SCARA3: variants seen among roughly 807,000 people sequenced by gnomAD.
SCARA3 encodes cellular stress response gene protein.
Under a neutral mutation model 47.0 loss-of-function variants are expected in SCARA3, and 39 were observed. The ratio of observed to expected loss-of-function variants is 0.83; its 90% CI spans 0.64 to 1.08. SCARA3 has a LOEUF of 1.08. Ranked by LOEUF, SCARA3 falls within the 50% of genes least tolerant of loss-of-function variation. The probability of loss-of-function intolerance (pLI) is 0.00; values close to 1 mark genes in which losing one functional copy is unlikely to be tolerated. For synonymous variants in SCARA3, 356 were observed against 334.1 expected, an observed-to-expected ratio of 1.07 and a Z score of -0.71; for missense variants, 724 against 792.3, an observed-to-expected ratio of 0.91 and a Z score of 1.04.
chr8:27,646,189 T>C (rs1435222720), intron 1 of SCARA3, among the ~76,000 whole-genome samples: 1 of 152,004 alleles, frequency 6.6e-6, no homozygotes, highest in East Asian at 1.9e-4. Context: ...GAGATGTCAG[T>C]GGAGGGAAGA....
Position 27,672,186 on chromosome 8 carries a change from T to A in SCARA3, c.*835T>A, listed in dbSNP as rs540255355. On this transcript the variant is annotated 3_prime_UTR_variant, in exon 6 of 6. Coordinates refer to ENST00000301904, the MANE Select transcript of SCARA3 (RefSeq NM_016240.3). ...CCACGAGGCTGACATTCTCTGGCCT[T>A]GCACACAGTGCCCCCTGAGAAGTTC... 1.1e-5 allele frequency: 11 copies of A among 985,464 alleles called. No homozygotes were observed. In the Admixed American group the frequency reaches 6.1e-4, roughly 55 times the overall value. 61.0% of individuals were successfully genotyped at this position (985,464 alleles called of 1,614,324 possible).
chr8:27,684,892 A>G, the SCARA3 span, among the ~76,000 whole-genome samples: 6 of 148,216 alleles, frequency 4.0e-5, no homozygotes, highest in South Asian at 1.3e-3. Flanking sequence ...ACATAGTGAG[A>G]CACTTCTCTA....
At chr8:27,644,186 A>G (rs1801443721) in intron 1 of SCARA3, among the ~76,000 whole-genome samples, 2 of 152,202 alleles carry the variant, frequency 1.3e-5, no homozygotes, top group African/African-American at 4.8e-5. Context: ...TCTAGTGGTC[A>G]CCACTATTTT....
rs2128924407 is a variant in SCARA3 at position 27,672,363 on chromosome 8, A to G, written c.*1012A>G. On this transcript the variant is annotated 3_prime_UTR_variant, in exon 6 of 6. Coordinates refer to ENST00000301904, the MANE Select transcript of SCARA3 (RefSeq NM_016240.3). ...CATTGGGCCTGAGTGGAGATGGGAG[A>G]CAGAGGCAGGCCAGAAGGTTCTCTC... 1 of 985,426 alleles carries G rather than the reference A, an allele frequency of 1.0e-6. No homozygotes were observed. The highest frequency in any genetic ancestry group is 1.7e-5 in the African/African-American group (1 of 57,332). 61.0% of individuals were successfully genotyped at this position (985,426 alleles called of 1,614,324 possible).
At chr8:27,659,848 TAAAAAAAAAA>T (rs1164812144) in intron 5 of SCARA3, among the ~76,000 whole-genome samples, 6 of 40,356 alleles carry the variant, frequency 1.5e-4, no homozygotes, top group African/African-American at 7.9e-4. Flanking sequence ...AGTCCTTATC[TAAAAAAAAAA>T]AAAAAAAAAA....
chr8:27,715,454 G>A, the SCARA3 span, among the ~76,000 whole-genome samples: 1 of 152,010 alleles, frequency 6.6e-6, no homozygotes, highest in African/African-American at 2.4e-5. This position sits in a 1 kb window ranked among gnomAD's most constrained non-coding sequence, Gnocchi z 4.2. Context: ...TGCTCCACAT[G>A]GATACCCTCC....
At chr8:27,690,938 CA>C in the SCARA3 span, among the ~76,000 whole-genome samples, 1 of 152,212 alleles carries the variant, frequency 6.6e-6, no homozygotes, top group South Asian at 2.1e-4. Flanking sequence ...CCTCCTTAGA[CA>C]CCCAATGTGC....
At chr8:27,660,690 A>G (rs2128921499) in intron 5 of SCARA3, among the ~76,000 whole-genome samples, 1 of 132,326 alleles carries the variant, frequency 7.6e-6, no homozygotes, top group South Asian at 2.8e-4. Flanking sequence ...GTAGAGTGAT[A>G]GATGATAGAT....
the SCARA3 span, among the ~76,000 whole-genome samples, chr8:27,722,118 A>C: frequency 6.6e-6 from 1 of 152,156 alleles, no homozygotes; most frequent in Non-Finnish European, 1.5e-5. Flanking sequence ...TATGAATGCT[A>C]AATCTAGATG....
chr8:27,703,793 G>A, the SCARA3 span: 4 of 140,458 alleles, frequency 2.8e-5, no homozygotes, highest in Admixed American at 7.2e-5. Flanking sequence ...GTAACTTAAA[G>A]TTTGTGGTTT....
downstream of SCARA3, among the ~76,000 whole-genome samples, chr8:27,680,174 AAAAG>A (rs1355840291): frequency 6.6e-6 from 1 of 152,076 alleles, no homozygotes; most frequent in African/African-American, 2.4e-5. Context: ...ATAAGATAGA[AAAAG>A]AAAAGAAATT....
chr8:27,683,514 C>G, the SCARA3 span, among the ~76,000 whole-genome samples: 31 of 152,122 alleles, frequency 2.0e-4, no homozygotes, highest in East Asian at 5.0e-3. Flanking sequence ...TAAACTTAAA[C>G]AGACATAAAA....
chr8:27,644,850 T>C (rs1801458457), intron 1 of SCARA3, among the ~76,000 whole-genome samples: 1 of 152,172 alleles, frequency 6.6e-6, no homozygotes, highest in Non-Finnish European at 1.5e-5. Flanking sequence ...ACCAGCGCCT[T>C]ACTTTAGAGA....
chr8:27,696,409 CAATGA>C, the SCARA3 span, among the ~76,000 whole-genome samples: 1 of 152,082 alleles, frequency 6.6e-6, no homozygotes, highest in Non-Finnish European at 1.5e-5. Context: ...AGATCAGAAA[CAATGA>C]AATGAAATCT....
At position 27,671,146 on chromosome 8, in the gene SCARA3, C is replaced by A; in HGVS notation, c.1616C>A (p.Pro539Gln). 1.3e-6 allele frequency: 2 copies of A among 1,556,638 alleles called. No individual in the cohort carries two copies. Among genetic ancestry groups the A allele is most frequent in the East Asian group, 2.4e-5 (1 of 41,836 alleles). ...GGAGGGCCGAGAGGACAGCCAGGCC[C>A]AAAAGGGGACATAGGGCCCCCAGGG... ...GTGGPRGQPG[P>Q]KGDIGPPGPE... Residue 539 changes from proline (P) to glutamine (Q), a missense_variant, in exon 6 of 6, where the codon CCA (proline) becomes CAA (glutamine). By Grantham distance (76) the Pro-to-Gln change is moderately conservative. Coordinates refer to ENST00000301904, the MANE Select transcript of SCARA3 (RefSeq NM_016240.3).
At chr8:27,648,532 T>A (rs933582253) in intron 1 of SCARA3, among the ~76,000 whole-genome samples, 7 of 151,498 alleles carry the variant, frequency 4.6e-5, no homozygotes, top group Admixed American at 1.3e-4. Flanking sequence ...TGAACCCAGG[T>A]GGCAGAGCTT....
chr8:27,671,176 A>G lies in SCARA3; in HGVS notation c.1646A>G (p.Glu549Gly), dbSNP rs1802144695. Residue 549 changes from glutamate to glycine, a missense_variant, in exon 6 of 6, where the codon GAA becomes GGA. Coordinates refer to ENST00000301904, the MANE Select transcript of SCARA3 (RefSeq NM_016240.3). ...PKGDIGPPGP[E>G]GPPGSPGPSG... is the part of the protein sequence containing the mutation. ...GGGGACATAGGGCCCCCAGGGCCAG[A>G]AGGGCCCCCGGGGTCTCCAGGGCCC... 2 of 1,522,820 alleles carry G rather than the reference A, an allele frequency of 1.3e-6. No individual in the cohort carries two copies. The highest frequency in any genetic ancestry group is 2.8e-5 in the African/African-American group (2 of 71,126). The allele number at this position is 1,522,820 out of a possible 1,614,324, so 94.3% of individuals were successfully genotyped here. A position where few individuals can be genotyped will look rare whatever the true frequency, so the allele number is the denominator to read the frequency against.
intron 1 of SCARA3, among the ~76,000 whole-genome samples, chr8:27,647,526 TTCTCTGTGCCGGC>T (rs1228725629): frequency 7.9e-5 from 12 of 152,164 alleles, no homozygotes; most frequent in African/African-American, 1.9e-4. Context: ...TGTTGAGCCT[TTCTCTGTGCCGGC>T]TCTCTGTGCC....
In SCARA3 at chr8:27,660,838, C is replaced by A. The variant is rs111265619; in HGVS notation, c.1369+1299C>A. ...ATAGATATAGATAGAAGATAGCTAGCTAGCTAGATAGATAGATAGATAGAT... is the reference window on the plus strand; with the variant it reads ...ATAGATATAGATAGAAGATAGCTAGATAGCTAGATAGATAGATAGATAGAT... On this transcript the variant is annotated intron_variant, in intron 5 of 5. Transcript: ENST00000301904. Among the ~76,000 whole-genome samples, 200 of 49,798 alleles carry A rather than the reference C, an allele frequency of 4.0e-3. 1 individual carries two copies. The highest frequency in any genetic ancestry group is 8.3e-3 in the Non-Finnish European group (134 of 16,196). The allele number at this position is 49,798 out of a possible 152,430, so 32.7% of individuals were successfully genotyped here.
Sources: gnomAD v4.1 joint callset for allele counts (sites outside exome capture counted in the v4.1 genomes callset) on GRCh38, gnomAD v4.1.1 for gene constraint, Gnocchi (gnomAD v3.1) non-coding constraint, MANE v1.5 for transcripts, NCBI Gene and HGNC (gene_info 2026-07-23, HGNC 2026-07-21) for gene names.